FGF13: variants seen among roughly 807,000 people sequenced by gnomAD.
FGF13 encodes the protein fibroblast growth factor homologous factor 2.
In FGF13, 2 loss-of-function variants were observed where a neutral mutation model predicts 19.5. That is an observed-to-expected ratio of 0.10 (90% CI 0.04 to 0.32). The LOEUF is 0.32. FGF13 is among the 10% of genes least tolerant of loss of function. The pLI, the probability that FGF13 is intolerant of heterozygous loss-of-function variation, is 1.00. For missense variants in FGF13, 113 were observed against 192.7 expected (o/e 0.59, Z 2.45); for synonymous variants, 72 against 76.9 (o/e 0.94, Z 0.33).
At chrX:138,745,782 A>T (rs2090351270) in intron 3 of FGF13, among the ~76,000 whole-genome samples, 1 of 111,796 alleles carries the variant, frequency 8.9e-6, no homozygotes, top group Non-Finnish European at 1.9e-5. Flanking sequence ...GAGACACGAG[A>T]ATAAATAATC....
intron 3 of FGF13, among the ~76,000 whole-genome samples, chrX:138,647,628 C>A (rs181143124): frequency 3.3e-3 from 367 of 111,942 alleles, no homozygotes; most frequent in Non-Finnish European, 4.7e-3. Flanking sequence ...AATACTGCAA[C>A]ATTTTATATT....
rs1179389488 is a variant in FGF13 at position 138,787,443 on chromosome X, G to T, written c.217+70069C>A. Among the ~76,000 whole-genome samples the T allele has an allele frequency of 2.0e-4, 23 of 112,346 alleles. No homozygotes were observed. The Admixed American group carries it at 2.2e-3, about 11-fold the overall frequency. Reference sequence around the variant, plus strand: ...AGGATGCCAGCATAGTTGGGTTCTGGTGAGAGTAGTCTTCTGCATTGCAAA... The same window carrying T: ...AGGATGCCAGCATAGTTGGGTTCTGTTGAGAGTAGTCTTCTGCATTGCAAA... On this transcript the variant is annotated intron_variant, in intron 3 of 6. Coordinates refer to the FGF13 transcript ENST00000436198.
At chrX:139,029,752 C>G (rs1051591256) in intron 1 of FGF13, among the ~76,000 whole-genome samples, 3 of 111,031 alleles carry the variant, frequency 2.7e-5, no homozygotes, top group Non-Finnish European at 3.8e-5. Flanking sequence ...ATATGAGGCT[C>G]AATTTACCTG....
At chrX:138,928,974 G>A (rs938518117) in intron 1 of FGF13, among the ~76,000 whole-genome samples, 3 of 111,571 alleles carry the variant, frequency 2.7e-5, no homozygotes. Flanking sequence ...CCCTGCTTGG[G>A]ATTTGCTCTT....
intron 3 of FGF13, among the ~76,000 whole-genome samples, chrX:138,660,800 G>A (rs1368013152): frequency 9.0e-6 from 1 of 111,076 alleles, no homozygotes; most frequent in Non-Finnish European, 1.9e-5. Context: ...TATTTTCTAT[G>A]GCAAATATTT....
At chrX:138,692,292 A>T (rs933572803) in intron 3 of FGF13, among the ~76,000 whole-genome samples, 39 of 111,322 alleles carry the variant, frequency 3.5e-4, no homozygotes, top group African/African-American at 1.2e-3. Context: ...GGAAGTAGAG[A>T]GAAAACAAAT....
At chrX:139,028,291 G>A (rs775520311) in intron 1 of FGF13, among the ~76,000 whole-genome samples, 49 of 111,809 alleles carry the variant, frequency 4.4e-4, no homozygotes, top group African/African-American at 1.6e-3. Flanking sequence ...TGAAAACAAT[G>A]GTATTGAGAC....
At chrX:138,859,817 G>A (rs2124144827) in intron 2 of FGF13, among the ~76,000 whole-genome samples, 1 of 112,310 alleles carries the variant, frequency 8.9e-6, no homozygotes, top group Admixed American at 9.4e-5. Context: ...AAAAGTGCAG[G>A]ATAATTGCTT....
intron 3 of FGF13, among the ~76,000 whole-genome samples, chrX:138,826,958 T>C (rs1245462345): frequency 1.8e-5 from 2 of 112,316 alleles, no homozygotes; most frequent in Non-Finnish European, 3.8e-5. Flanking sequence ...AGACAAGCCA[T>C]AAGGCTTGTA....
chrX:138,819,348 G>A (rs752801563), intron 3 of FGF13, among the ~76,000 whole-genome samples: 9 of 111,595 alleles, frequency 8.1e-5, no homozygotes, highest in Non-Finnish European at 1.5e-4. Flanking sequence ...AGAATTCTGA[G>A]AAAAGGCAAG....
At chrX:138,838,689 A>G (rs2091129636) in intron 3 of FGF13, among the ~76,000 whole-genome samples, 1 of 111,514 alleles carries the variant, frequency 9.0e-6, no homozygotes, top group Non-Finnish European at 1.9e-5. Context: ...TTTGAGAGCT[A>G]TGGAGCTTCT....
rs1357069437 is a variant in FGF13, at chrX:138,847,972, C to T, written c.217+9540G>A. On this transcript the variant is annotated intron_variant, in intron 3 of 6. Transcript: ENST00000436198. ...AATTGTCAGTACTTTTCTGGCATATCGTGACACCCTTTTCTCCTTCTCCAT... is the reference window on the plus strand; with the variant it reads ...AATTGTCAGTACTTTTCTGGCATATTGTGACACCCTTTTCTCCTTCTCCAT... Among the ~76,000 whole-genome samples, 4 of 111,633 alleles carry T rather than the reference C, an allele frequency of 3.6e-5. No individual in the cohort carries two copies. In the East Asian group the frequency reaches 1.1e-3, roughly 32 times the overall value.
chrX:139,042,783 G>A (rs915916427), intron 1 of FGF13, among the ~76,000 whole-genome samples: 1 of 111,406 alleles, frequency 9.0e-6, no homozygotes, highest in Non-Finnish European at 1.9e-5. Context: ...ATCATTGAGC[G>A]ACATCCCCGT....
intron 1 of FGF13, among the ~76,000 whole-genome samples, chrX:138,912,546 T>C (rs1040973469): frequency 1.8e-5 from 2 of 111,629 alleles, no homozygotes; most frequent in African/African-American, 6.5e-5. Context: ...TTTAATCAAC[T>C]TAGAGTAAAA....
At chrX:138,906,827 C>T (rs1030697928) in intron 1 of FGF13, among the ~76,000 whole-genome samples, 3 of 111,151 alleles carry the variant, frequency 2.7e-5, no homozygotes, top group Non-Finnish European at 5.7e-5. Context: ...GTTTTAGTTG[C>T]CCAGGGATGT....
chrX:138,721,484 T>A (rs1225774277), intron 1 of FGF13, among the ~76,000 whole-genome samples: 2 of 111,666 alleles, frequency 1.8e-5, no homozygotes, highest in African/African-American at 6.5e-5. Context: ...TATCAACTCT[T>A]TACTTATTGC....
At chrX:139,020,152 G>T (rs2092172227) in intron 1 of FGF13, among the ~76,000 whole-genome samples, 2 of 111,315 alleles carry the variant, frequency 1.8e-5, no homozygotes, top group African/African-American at 6.5e-5. Flanking sequence ...GACAAAAAAT[G>T]ATGATCTATG....
chrX:138,671,737 A>G (rs1245160899), intron 3 of FGF13, among the ~76,000 whole-genome samples: 2 of 109,669 alleles, frequency 1.8e-5, no homozygotes, highest in East Asian at 6.0e-4. Context: ...AACAATATAC[A>G]AATAGGCATT....
rs545107087 is a variant in FGF13, at chrX:138,619,617, T to C, written c.*13233A>G. 3 of 106,919 alleles carry C rather than the reference T, an allele frequency of 2.8e-5. No homozygotes were observed. The highest frequency in any genetic ancestry group is 1.0e-4 in the African/African-American group (3 of 29,292). The allele number at this position is 106,919 out of a possible 1,213,427, so 8.8% of individuals were successfully genotyped here. On this transcript the variant is annotated 3_prime_UTR_variant, in exon 5 of 5. Transcript: ENST00000315930. Reference sequence around the variant, plus strand: ...AGAATCTACAAGGAATTTAAGCAAATATACAAGAAAAAAAAAACCGCATCA... The same window carrying C: ...AGAATCTACAAGGAATTTAAGCAAACATACAAGAAAAAAAAAACCGCATCA...
Sources: gnomAD v4.1 joint callset for allele counts (sites outside exome capture counted in the v4.1 genomes callset) on GRCh38, gnomAD v4.1.1 for gene constraint, MANE v1.5 for transcripts, NCBI Gene and HGNC (gene_info 2026-07-23, HGNC 2026-07-21) for gene names.